Variants in G2E3 observed in about 807,000 individuals in gnomAD.
G2E3 encodes the protein G2/M-phase specific E3 ubiquitin protein ligase, also known as G2/M phase-specific E3 ubiquitin-protein ligase.
Under a neutral mutation model 92.8 loss-of-function variants are expected in G2E3, and 35 were observed. That is an observed-to-expected ratio of 0.38 (90% CI 0.29 to 0.50). The LOEUF is 0.50. Ranked by LOEUF, G2E3 falls within the 20% of genes least tolerant of loss-of-function variation. G2E3 has a pLI of 0.94. For missense variants in G2E3, 554 were observed against 823.8 expected (o/e 0.67, Z 4.01); for synonymous variants, 242 against 272.4 (o/e 0.89, Z 1.10).
intron 1 of G2E3, among the ~76,000 whole-genome samples, chr14:30,563,556 G>A (rs1365234395): frequency 6.6e-6 from 1 of 152,120 alleles, no homozygotes; most frequent in Non-Finnish European, 1.5e-5. Flanking sequence ...CTATGACAGT[G>A]GAATCATGAA....
At chr14:30,605,917 T>C in intron 11 of G2E3, 105 bp downstream of exon 11, 2 of 530,730 alleles carry the variant, frequency 3.8e-6, no homozygotes, top group Non-Finnish European at 3.2e-6. Flanking sequence ...CTAAATATAC[T>C]GTTCACTTTG....
At chr14:30,596,806 T>A (rs1288035066) in intron 6 of G2E3, among the ~76,000 whole-genome samples, 1 of 152,228 alleles carries the variant, frequency 6.6e-6, no homozygotes, top group East Asian at 1.9e-4. Flanking sequence ...TAGCATGGTG[T>A]TTGGCATCTA....
chr14:30,576,914 A>G (rs1234476345), intron 1 of G2E3, among the ~76,000 whole-genome samples: 2 of 152,102 alleles, frequency 1.3e-5, no homozygotes, highest in African/African-American at 4.8e-5. Context: ...CTTTTTCAGT[A>G]AGATTAGGCA....
Position 30,616,673 on chromosome 14 carries a change from G to T in G2E3, c.*139G>T. On this transcript the variant is annotated 3_prime_UTR_variant, in exon 15 of 15. Coordinates refer to ENST00000206595, the MANE Select transcript of G2E3 (RefSeq NM_017769.5). Reference sequence around the variant, plus strand: ...ATAAAATTTATGATATGAATATAAAGGAATATTATAGCCACTTAGGCTAAA... The same window carrying T: ...ATAAAATTTATGATATGAATATAAATGAATATTATAGCCACTTAGGCTAAA... The T allele has an allele frequency of 3.2e-6, 2 of 631,486 alleles. No individual in the cohort carries two copies. The highest frequency in any genetic ancestry group is 5.3e-6 in the Non-Finnish European group (2 of 380,568). 39.1% of individuals were successfully genotyped at this position (631,486 alleles called of 1,614,324 possible). A position where few individuals can be genotyped will look rare whatever the true frequency, so the allele number is the denominator to read the frequency against.
rs1179079729 is a variant in G2E3 at position 30,618,450 on chromosome 14, G to C, written c.*1916G>C. 1 of 151,994 alleles carries C rather than the reference G, an allele frequency of 6.6e-6. No homozygotes were observed. The highest frequency in any genetic ancestry group is 2.4e-5 in the African/African-American group (1 of 41,404). The allele number at this position is 151,994 out of a possible 1,614,324, so 9.4% of individuals were successfully genotyped here. ...TAAAGCTATTTTCTGGTTTTTAGTT[G>C]CAATTAATTTCCCCTAGGGTAGAAA... On this transcript the variant is annotated 3_prime_UTR_variant, in exon 15 of 15. Coordinates refer to ENST00000206595, the MANE Select transcript of G2E3 (RefSeq NM_017769.5).
Position 30,577,223 on chromosome 14 carries a change from C to CAAAA in G2E3, c.-4-3836_-4-3833dup, listed in dbSNP as rs59757142. On this transcript the variant is annotated intron_variant, in intron 1 of 14. Transcript: ENST00000206595. ...CTAGCAACAGAGCAAGACTCTGTCT[C>CAAAA]AAAAAAAAAAAAAAAAAAAAGAAAA... Among the ~76,000 whole-genome samples, 132 of 80,650 alleles carry CAAAA rather than the reference C, an allele frequency of 1.6e-3. 1 individual carries two copies. The highest frequency in any genetic ancestry group is 2.4e-3 in the African/African-American group (57 of 23,512). The allele number at this position is 80,650 out of a possible 152,430, so 52.9% of individuals were successfully genotyped here.
In G2E3 at chr14:30,598,522, GCTT is replaced by G. The variant is rs764109884; in HGVS notation, c.678_680del (p.Leu227del). The G allele has an allele frequency of 1.9e-6, 3 of 1,613,642 alleles. No homozygotes were observed. The African/African-American group carries it at 4.0e-5, about 22-fold the overall frequency. ...AATTAGAGGAAAACGCTTATCAAGA[GCTT>G]CTGCAGCACTATGAGCGTTGTGATG... On this transcript the variant is annotated inframe_deletion, in exon 8 of 15. Coordinates refer to ENST00000206595, the MANE Select transcript of G2E3 (RefSeq NM_017769.5).
In G2E3 at chr14:30,619,644, A is replaced by G. The variant is rs960441143; in HGVS notation, c.*3110A>G. 1 of 152,138 alleles carries G rather than the reference A, an allele frequency of 6.6e-6. No homozygotes were observed. The highest frequency in any genetic ancestry group is 6.5e-5 in the Admixed American group (1 of 15,274). The allele number at this position is 152,138 out of a possible 1,614,324, so 9.4% of individuals were successfully genotyped here. ...ATTGTCTTGAAGAGACTCAGTTTTC[A>G]AGTTCTGATTTTGACCATTATCTCT... is the stretch of plus-strand genomic sequence containing the variant. On this transcript the variant is annotated 3_prime_UTR_variant, in exon 15 of 15. Coordinates refer to ENST00000206595, the MANE Select transcript of G2E3 (RefSeq NM_017769.5).
chr14:30,563,480 T>C lies in G2E3; in HGVS notation c.-5+4208T>C, dbSNP rs61976689. On this transcript the variant is annotated intron_variant, in intron 1 of 14. Transcript: ENST00000206595. ...TGCAGGCTAGACCATTCATGTGATT[T>C]CTTGATTTTGGAGTTGGGATATCAC... 8.8e-3 allele frequency among the ~76,000 whole-genome samples: 1,346 copies of C among 152,172 alleles called. 9 individuals are homozygous for C. Among genetic ancestry groups the C allele is most frequent in the Non-Finnish European group, 0.012 (821 of 67,994 alleles).
intron 1 of G2E3, among the ~76,000 whole-genome samples, chr14:30,577,383 G>A (rs1448176982): frequency 6.6e-6 from 1 of 152,102 alleles, no homozygotes; most frequent in Non-Finnish European, 1.5e-5. Flanking sequence ...AGAACTTGCT[G>A]GTTTTAAACA....
intron 1 of G2E3, among the ~76,000 whole-genome samples, chr14:30,570,306 A>C (rs1879682290): frequency 6.6e-6 from 1 of 152,026 alleles, no homozygotes; most frequent in Admixed American, 6.6e-5. Flanking sequence ...ATCTCCTAGA[A>C]TTTGTCCTGA....
intron 10 of G2E3, 103 bp downstream of exon 10, chr14:30,602,234 T>A: frequency 1.2e-6 from 1 of 861,188 alleles, no homozygotes; most frequent in Non-Finnish European, 1.8e-6. Context: ...TACAGTAGTC[T>A]AGAAGAATGT....
chr14:30,608,751 T>G (rs754926042), intron 12 of G2E3, among the ~76,000 whole-genome samples: 2 of 152,248 alleles, frequency 1.3e-5, no homozygotes, highest in African/African-American at 2.4e-5. Flanking sequence ...CTTTTCTTCC[T>G]TAACCTCCCT....
At chr14:30,588,893 A>AC (rs1333364079) in intron 3 of G2E3, among the ~76,000 whole-genome samples, 7 of 152,158 alleles carry the variant, frequency 4.6e-5, no homozygotes, top group Non-Finnish European at 7.4e-5. Context: ...CTAAAATCAA[A>AC]CATTTATGTT....
chr14:30,578,741 T>C (rs1286328484), intron 1 of G2E3, among the ~76,000 whole-genome samples: 1 of 152,222 alleles, frequency 6.6e-6, no homozygotes, highest in Non-Finnish European at 1.5e-5. Context: ...GATGGATTTA[T>C]GATATGTTGA....
chr14:30,570,514 G>A (rs1446299367), intron 1 of G2E3, among the ~76,000 whole-genome samples: 1 of 151,970 alleles, frequency 6.6e-6, no homozygotes, highest in African/African-American at 2.4e-5. Flanking sequence ...CTTGGGCTCT[G>A]TTTATTTTTC....
chr14:30,593,546 C>G lies in G2E3; in HGVS notation c.435C>G (p.Thr145=). The G allele has an allele frequency of 6.4e-7, 1 of 1,569,990 alleles. No homozygotes were observed. The highest frequency in any genetic ancestry group is 8.8e-7 in the Non-Finnish European group (1 of 1,140,398). ...SNNYRESLPC[T]ICLEFIEPIP... is the part of the protein sequence containing the mutation. Reference sequence around the variant, plus strand: ...ATTATAGAGAGTCCTTACCATGCACCATTTGCTTGGAATTTATTGAGCCTA... The same window carrying G: ...ATTATAGAGAGTCCTTACCATGCACGATTTGCTTGGAATTTATTGAGCCTA... Residue 145 remains threonine (T), a synonymous_variant, in exon 6 of 15, where the codon ACC becomes ACG. Coordinates refer to ENST00000206595, the MANE Select transcript of G2E3 (RefSeq NM_017769.5).
intron 2 of G2E3, 32 bp from the exon 3 acceptor site, chr14:30,586,686 A>G: frequency 1.4e-6 from 1 of 725,084 alleles, no homozygotes; most frequent in South Asian, 2.1e-5. Context: ...ATTTAAATAT[A>G]TTTTTATATC....
chr14:30,616,736 G>T lies in G2E3; in HGVS notation c.*202G>T. 1 of 416,392 alleles carries T rather than the reference G, an allele frequency of 2.4e-6. No individual in the cohort carries two copies. Among genetic ancestry groups the T allele is most frequent in the South Asian group, 3.9e-5 (1 of 25,466 alleles). The allele number at this position is 416,392 out of a possible 1,614,324, so 25.8% of individuals were successfully genotyped here. On this transcript the variant is annotated 3_prime_UTR_variant, in exon 15 of 15. Transcript: ENST00000206595. ...TTGTTAAAGCATACTAGTCAAAATT[G>T]GTGATAATTTCTCATTTTCTTGATA...
Sources: allele counts gnomAD v4.1 joint callset (sites outside exome capture counted in the v4.1 genomes callset), GRCh38; gene constraint gnomAD v4.1.1; transcripts MANE v1.5; gene names NCBI Gene and HGNC (gene_info 2026-07-23, HGNC 2026-07-21).